The following DNAJC6 variants were observed in gnomAD, a reference collection of about 807,000 sequenced individuals.
DNAJC6 encodes the protein DnaJ heat shock protein family (Hsp40) member C6.
A neutral mutation model predicts 110.0 loss-of-function variants in DNAJC6; 34 were observed. That is an observed-to-expected ratio of 0.31 (90% CI 0.24 to 0.41). The LOEUF (loss-of-function observed/expected upper bound fraction) is 0.41, where lower values mean the gene tolerates loss of function less well. Ranked by LOEUF, DNAJC6 falls within the 10% of genes least tolerant of loss-of-function variation. The pLI is 1.00. For missense variants in DNAJC6, 1,031 were observed against 1,207.8 expected (o/e 0.85, Z 2.17); for synonymous variants, 406 against 437.2 (o/e 0.93, Z 0.89).
intron 17 of DNAJC6, among the ~76,000 whole-genome samples, chr1:65,410,698 G>A (rs1646120348): frequency 6.6e-6 from 1 of 152,162 alleles, no homozygotes; most frequent in Non-Finnish European, 1.5e-5. Context: ...ATGGCTAAAT[G>A]GGTCAATTCA....
intron 1 of DNAJC6, among the ~76,000 whole-genome samples, chr1:65,330,757 G>A (rs1199817801): frequency 2.6e-5 from 4 of 152,196 alleles, no homozygotes; most frequent in African/African-American, 7.2e-5. Context: ...GTGTGCCACC[G>A]CGCCCAGCCT....
exon 1 of DNAJC6, chr1:65,264,786 C>G: frequency 6.6e-7 from 1 of 1,515,226 alleles, no homozygotes; most frequent in South Asian, 1.3e-5. Context: ...TATCATAGCC[C>G]GAGTGCTCCT....
chr1:65,378,666 T>G (rs1234874942), intron 4 of DNAJC6, among the ~76,000 whole-genome samples: 2 of 152,250 alleles, frequency 1.3e-5, no homozygotes, highest in Non-Finnish European at 2.9e-5. Flanking sequence ...TCAGCCAGTG[T>G]GCTGTTGTAA....
intron 1 of DNAJC6, among the ~76,000 whole-genome samples, chr1:65,331,984 G>A (rs1312430029): frequency 6.6e-6 from 1 of 152,080 alleles, no homozygotes; most frequent in Admixed American, 6.5e-5. Context: ...CCTTACTCTG[G>A]GGGGGCCTGG....
chr1:65,286,591 CT>C (rs1361819107), intron 1 of DNAJC6, among the ~76,000 whole-genome samples: 1 of 152,106 alleles, frequency 6.6e-6, no homozygotes, highest in Non-Finnish European at 1.5e-5. Flanking sequence ...CTACAGATCA[CT>C]TTTTAGGGTT....
chr1:65,298,195 T>C (rs548387193), intron 1 of DNAJC6, among the ~76,000 whole-genome samples: 80 of 152,278 alleles, frequency 5.3e-4, no homozygotes, highest in African/African-American at 1.9e-3. Context: ...GTGGGCAAGG[T>C]GAACTAGTTG....
intron 4 of DNAJC6, among the ~76,000 whole-genome samples, chr1:65,371,523 A>G (rs1259271038): frequency 1.3e-5 from 2 of 152,208 alleles, no homozygotes; most frequent in African/African-American, 4.8e-5. Flanking sequence ...TGACTGAATT[A>G]TCCCCATCCT....
chr1:65,395,524 G>A (rs1377413066), intron 13 of DNAJC6, among the ~76,000 whole-genome samples: 1 of 152,124 alleles, frequency 6.6e-6, no homozygotes, highest in Non-Finnish European at 1.5e-5. Flanking sequence ...GGCTGTTGAT[G>A]ACTCTACATG....
intron 9 of DNAJC6, 102 bp downstream of exon 9, chr1:65,388,517 C>A: frequency 1.9e-6 from 2 of 1,053,228 alleles, no homozygotes; most frequent in Non-Finnish European, 2.9e-6. Flanking sequence ...TCCTGTGCTG[C>A]TGAACTACTG....
At chr1:65,298,567 A>G (rs1186452607) in intron 1 of DNAJC6, among the ~76,000 whole-genome samples, 1 of 151,962 alleles carries the variant, frequency 6.6e-6, no homozygotes, top group Non-Finnish European at 1.5e-5. Flanking sequence ...TTAGGGGTCT[A>G]TACATATGAA....
Position 65,406,047 on chromosome 1 carries a change from C to T in DNAJC6, c.2405C>T (p.Ser802Phe). 1.9e-6 allele frequency: 3 copies of T among 1,614,168 alleles called. No homozygotes were observed. The highest frequency in any genetic ancestry group is 2.5e-6 in the Non-Finnish European group (3 of 1,180,028). Residue 802 changes from serine (S) to phenylalanine (F), a missense_variant, in exon 16 of 19, where the codon TCT becomes TTT. By Grantham distance (155) the Ser-to-Phe change is radical. Transcript: ENST00000371069. Reference protein sequence around the residue: ...PKPQPSMPHSSPQNRPNYNVS... With the variant: ...PKPQPSMPHSFPQNRPNYNVS... ...CCTCAGCCCAGCATGCCCCACTCCT[C>T]TCCCCAGAACCGACCCAACTACAAC...
intron 15 of DNAJC6, among the ~76,000 whole-genome samples, chr1:65,405,314 T>G (rs7540807): frequency 0.13 from 19,187 of 152,236 alleles, 1,281 homozygotes; most frequent in African/African-American, 0.19. Context: ...AAAACCTACT[T>G]GTGAAATTTC....
At chr1:65,390,553 C>G (rs1346149367) in intron 11 of DNAJC6, among the ~76,000 whole-genome samples, 1 of 152,200 alleles carries the variant, frequency 6.6e-6, no homozygotes, top group African/African-American at 2.4e-5. Flanking sequence ...CATTGGCTAT[C>G]CTTGCTTTAG....
At position 65,352,443 on chromosome 1, in the gene DNAJC6, A is replaced by G. The variant is rs998050636; in HGVS notation, c.194-12192A>G. On this transcript the variant is annotated intron_variant, in intron 1 of 18. Transcript: ENST00000371069. ...AGGCTAGAAGTCCAATGCACTATCC[A>G]TTGTGCCACAGAGCCTGCCTGCTTG... Among the ~76,000 whole-genome samples the G allele has an allele frequency of 7.4e-5, 11 of 149,634 alleles. No individual in the cohort carries two copies. The East Asian group carries it at 2.7e-3, about 36-fold the overall frequency.
intron 1 of DNAJC6, among the ~76,000 whole-genome samples, chr1:65,339,375 C>T (rs926598768): frequency 6.6e-6 from 1 of 152,148 alleles, no homozygotes; most frequent in African/African-American, 2.4e-5. Context: ...GTGAGACTGT[C>T]CACAATTAGC....
At chr1:65,327,899 G>A (rs1166253852) in intron 1 of DNAJC6, among the ~76,000 whole-genome samples, 1 of 152,078 alleles carries the variant, frequency 6.6e-6, no homozygotes, top group Non-Finnish European at 1.5e-5. Flanking sequence ...TTTAATGGTA[G>A]AGATGGTGTC....
At chr1:65,266,094 A>G (rs1653317556) in intron 1 of DNAJC6, among the ~76,000 whole-genome samples, 1 of 152,200 alleles carries the variant, frequency 6.6e-6, no homozygotes, top group African/African-American at 2.4e-5. Context: ...GACCCTCCCC[A>G]CGCCGGAGCT....
chr1:65,287,941 GT>G (rs1447051027), intron 1 of DNAJC6, among the ~76,000 whole-genome samples: 2 of 152,202 alleles, frequency 1.3e-5, no homozygotes, highest in Non-Finnish European at 1.5e-5. Context: ...ATCCCATGAA[GT>G]GCTGGGAAGA....
intron 1 of DNAJC6, among the ~76,000 whole-genome samples, chr1:65,267,064 T>G (rs1250909849): frequency 6.6e-6 from 1 of 152,054 alleles, no homozygotes; most frequent in Non-Finnish European, 1.5e-5. Context: ...GCCCGGTTAA[T>G]TTTTGTATTT....
Sources: allele counts gnomAD v4.1 joint callset (sites outside exome capture counted in the v4.1 genomes callset), GRCh38; gene constraint gnomAD v4.1.1; transcripts MANE v1.5; gene names NCBI Gene and HGNC (gene_info 2026-07-23, HGNC 2026-07-21).